The following PDZRN3 variants were observed in gnomAD, a reference collection of about 807,000 sequenced individuals.
PDZRN3 encodes the protein E3 ubiquitin-protein ligase PDZRN3.
Under a neutral mutation model 85.7 loss-of-function variants are expected in PDZRN3, and 38 were observed. The observed-to-expected ratio is 0.44, with a 90% CI of 0.34 to 0.58. The LOEUF (loss-of-function observed/expected upper bound fraction) is 0.58, where lower values mean the gene tolerates loss of function less well. Among genes scored for constraint, PDZRN3 ranks in the 20% least tolerant of loss-of-function variants. The pLI, the probability that PDZRN3 is intolerant of heterozygous loss-of-function variation, is 0.01. For synonymous variants in PDZRN3, 759 were observed against 638.0 expected (o/e 1.19, Z -2.86); for missense variants, 1,629 against 1,506.4 (o/e 1.08, Z -1.35).
chr3:73,409,963 C>T (rs1389834818), intron 3 of PDZRN3, among the ~76,000 whole-genome samples: 3 of 152,102 alleles, frequency 2.0e-5, no homozygotes, highest in Non-Finnish European at 2.9e-5. Context: ...ATATAAAGTA[C>T]GAATGCAATT....
intron 3 of PDZRN3, among the ~76,000 whole-genome samples, chr3:73,446,123 A>G (rs1393938435): frequency 6.6e-6 from 1 of 152,194 alleles, no homozygotes; most frequent in Admixed American, 6.5e-5. Context: ...ATTTTTTGGA[A>G]TGAAATGGGG....
Position 73,384,604 on chromosome 3 carries a change from G to A in PDZRN3, c.1962C>T (p.Cys654=), listed in dbSNP as rs1413350462. 11 of 1,613,840 alleles carry A rather than the reference G, an allele frequency of 6.8e-6. No homozygotes were observed. The South Asian group carries it at 1.2e-4, about 18-fold the overall frequency. Residue 654 remains cysteine, a synonymous_variant, in exon 10 of 10, where the codon TGC becomes TGT. Coordinates refer to ENST00000263666, the MANE Select transcript of PDZRN3 (RefSeq NM_015009.3). ...CGTAAGGGGTGGCGCTCTTCACCTGGCACTTGAGCTCCAGGAGCTCGCGGA... is the reference window on the plus strand; with the variant it reads ...CGTAAGGGGTGGCGCTCTTCACCTGACACTTGAGCTCCAGGAGCTCGCGGA... ...ERFRELLELK[C]QVKSATPYGL... is the part of the protein sequence containing the mutation.
At chr3:73,480,090 A>G (rs187268097) in intron 3 of PDZRN3, among the ~76,000 whole-genome samples, 139 of 152,300 alleles carry the variant, frequency 9.1e-4, no homozygotes, top group African/African-American at 3.0e-3. Context: ...CCAGGGTCTA[A>G]CTATTAATAA....
chr3:73,581,966 G>A (rs1702208211), intron 3 of PDZRN3, among the ~76,000 whole-genome samples: 2 of 151,524 alleles, frequency 1.3e-5, no homozygotes, highest in African/African-American at 4.9e-5. Flanking sequence ...TGTGTGTGGT[G>A]GCACGTGCCT....
At chr3:73,416,861 GT>G (rs1295926566) in intron 3 of PDZRN3, among the ~76,000 whole-genome samples, 16 of 86,840 alleles carry the variant, frequency 1.8e-4, no homozygotes, top group East Asian at 2.7e-4. Flanking sequence ...TTTTTTTTTT[GT>G]TTGTTTTTTT....
Position 73,383,790 on chromosome 3 carries a change from G to A in PDZRN3, c.2776C>T (p.Arg926Cys), listed in dbSNP as rs565560793. ...GTGATGTAGCGCGTCCCGTCGCTGC[G>A]GATCTTCACCTTCCACTCCATGCGC... is the stretch of plus-strand genomic sequence containing the variant. Reference protein sequence around the residue: ...EPRMEWKVKIRSDGTRYITKR... With the variant: ...EPRMEWKVKICSDGTRYITKR... The change falls in exon 10 of 10, where the codon CGC (arginine) becomes TGC (cysteine). Residue 926 changes from arginine (R) to cysteine (C), a missense_variant. Arg to Cys is a radical substitution (Grantham distance 180). Transcript: ENST00000263666. 13 of 1,613,344 alleles carry A rather than the reference G, an allele frequency of 8.1e-6. No homozygotes were observed. The highest frequency in any genetic ancestry group is 1.1e-5 in the Non-Finnish European group (13 of 1,179,992).
At chr3:73,532,688 C>T (rs181459732) in intron 3 of PDZRN3, among the ~76,000 whole-genome samples, 1 of 152,304 alleles carries the variant, frequency 6.6e-6, no homozygotes, top group Non-Finnish European at 1.5e-5. Context: ...CCCTGAATTG[C>T]ATCTAGAAAC....
chr3:73,624,423 C>T lies in PDZRN3; in HGVS notation c.403G>A (p.Asp135Asn). ...DVEAHMRDAC[D>N]ARPVGRCQEG... ...TGGCAGCGGCCCACTGGCCGCGCGT[C>T]GCAGGCGTCGCGCATGTGCGCCTCC... The change falls in exon 1 of 10, where the codon GAC (aspartate) becomes AAC (asparagine). Residue 135 changes from aspartate to asparagine, a missense_variant. Coordinates refer to ENST00000263666, the MANE Select transcript of PDZRN3 (RefSeq NM_015009.3). 7.7e-7 allele frequency: 1 copy of T among 1,306,282 alleles called. No individual in the cohort carries two copies. Among genetic ancestry groups the T allele is most frequent in the South Asian group, 2.2e-5 (1 of 44,960 alleles). The allele number at this position is 1,306,282 out of a possible 1,614,324, so 80.9% of individuals were successfully genotyped here.
intron 3 of PDZRN3, among the ~76,000 whole-genome samples, chr3:73,478,856 T>C (rs780237934): frequency 9.9e-5 from 15 of 152,232 alleles, no homozygotes; most frequent in Non-Finnish European, 2.1e-4. Context: ...GAGATTAAAA[T>C]GGGGCTAAAA....
chr3:73,568,970 G>A (rs922736715), intron 3 of PDZRN3, among the ~76,000 whole-genome samples: 3 of 152,178 alleles, frequency 2.0e-5, no homozygotes, highest in African/African-American at 7.2e-5. Flanking sequence ...ATAGAGCCTT[G>A]CTGAAATTGT....
At chr3:73,537,326 T>C (rs1481116562) in intron 3 of PDZRN3, among the ~76,000 whole-genome samples, 1 of 152,188 alleles carries the variant, frequency 6.6e-6, no homozygotes, top group Non-Finnish European at 1.5e-5. Context: ...TGAACTGTAT[T>C]TGGCCCTTGA....
At chr3:73,523,876 A>G (rs1007234109) in intron 3 of PDZRN3, among the ~76,000 whole-genome samples, 2 of 152,216 alleles carry the variant, frequency 1.3e-5, no homozygotes, top group African/African-American at 4.8e-5. Flanking sequence ...CTTTTCAAAA[A>G]GCAGCAGGAA....
At chr3:73,447,551 C>T (rs1176199874) in intron 3 of PDZRN3, among the ~76,000 whole-genome samples, 1 of 152,202 alleles carries the variant, frequency 6.6e-6, no homozygotes. Flanking sequence ...CATAGCCGAA[C>T]ACACACTACT....
intron 1 of PDZRN3, 112 bp downstream of exon 1, chr3:73,623,991 A>C: frequency 9.4e-7 from 1 of 1,068,912 alleles, no homozygotes; most frequent in Non-Finnish European, 1.3e-6. Flanking sequence ...AGAGGGAGGA[A>C]GCAAGGATGT....
intron 3 of PDZRN3, among the ~76,000 whole-genome samples, chr3:73,558,936 C>G: frequency 6.6e-6 from 1 of 152,184 alleles, no homozygotes; most frequent in Non-Finnish European, 1.5e-5. Context: ...CTCTGTTTGG[C>G]AAGCTGTGGG....
intron 3 of PDZRN3, among the ~76,000 whole-genome samples, chr3:73,506,113 A>T (rs1055141581): frequency 2.0e-5 from 3 of 152,216 alleles, no homozygotes; most frequent in African/African-American, 7.2e-5. Context: ...GCACTGAGAT[A>T]AAATACACAA....
At chr3:73,614,006 C>A (rs1327363914) in intron 1 of PDZRN3, among the ~76,000 whole-genome samples, 1 of 152,050 alleles carries the variant, frequency 6.6e-6, no homozygotes, top group Non-Finnish European at 1.5e-5. Flanking sequence ...ATCCAAAGTG[C>A]CTAAGCCAAG....
intron 3 of PDZRN3, among the ~76,000 whole-genome samples, chr3:73,507,383 C>G (rs1287256401): frequency 1.3e-5 from 2 of 152,166 alleles, no homozygotes; most frequent in African/African-American, 2.4e-5. Flanking sequence ...GTTGGCCAGG[C>G]TGGTCTCAAC....
intron 3 of PDZRN3, among the ~76,000 whole-genome samples, chr3:73,575,745 G>A (rs779334360): frequency 1.9e-4 from 29 of 152,192 alleles, no homozygotes; most frequent in Non-Finnish European, 3.4e-4. Context: ...ATGGGAACAG[G>A]TTCTTCAGCT....
Sources: allele counts gnomAD v4.1 joint callset (sites outside exome capture counted in the v4.1 genomes callset), GRCh38; gene constraint gnomAD v4.1.1; transcripts MANE v1.5; gene names NCBI Gene and HGNC (gene_info 2026-07-23, HGNC 2026-07-21).